Variants in MCF2L2 observed in about 807,000 individuals in gnomAD.
MCF2L2 encodes MCF.2 cell line derived transforming sequence-like 2.
A neutral mutation model predicts 150.2 loss-of-function variants in MCF2L2; 102 were observed. That is an observed-to-expected ratio of 0.68 (90% CI 0.58 to 0.80). MCF2L2 has a LOEUF of 0.80. Among genes scored for constraint, MCF2L2 ranks in the 30% least tolerant of loss-of-function variants. The probability of loss-of-function intolerance (pLI) is 0.00; values close to 1 mark genes in which losing one functional copy is unlikely to be tolerated. For synonymous variants in MCF2L2, 465 were observed against 491.3 expected, an observed-to-expected ratio of 0.95 and a Z score of 0.71; for missense variants, 1,256 against 1,372.8, an observed-to-expected ratio of 0.91 and a Z score of 1.34.
chr3:183,428,157 G>A lies in MCF2L2; in HGVS notation c.-180C>T, dbSNP rs990617132. On this transcript the variant is annotated 5_prime_UTR_variant, in exon 1 of 30. Coordinates refer to ENST00000328913, the MANE Select transcript of MCF2L2 (RefSeq NM_015078.4). This position sits in a 1 kb window ranked among gnomAD's most constrained non-coding sequence, Gnocchi z 5.1. ...GGCCAGCTCTCCCTCGCCACGCCCC[G>A]CGGGGGCTCCCGTGACAGACCAAGT... is the stretch of plus-strand genomic sequence containing the variant. 1.7e-6 allele frequency: 1 copy of A among 590,834 alleles called. No individual in the cohort carries two copies. The highest frequency in any genetic ancestry group is 3.0e-6 in the Non-Finnish European group (1 of 333,992). The allele number at this position is 590,834 out of a possible 1,614,324, so 36.6% of individuals were successfully genotyped here.
At chr3:183,391,966 C>T (rs924559915) in intron 1 of MCF2L2, among the ~76,000 whole-genome samples, 1 of 152,104 alleles carries the variant, frequency 6.6e-6, no homozygotes, top group African/African-American at 2.4e-5. Flanking sequence ...TAGCTCACTG[C>T]AGCCTTGAAC....
chr3:183,211,152 G>A (rs1431308563), intron 22 of MCF2L2, among the ~76,000 whole-genome samples: 2 of 152,172 alleles, frequency 1.3e-5, no homozygotes, highest in South Asian at 2.1e-4. Context: ...TAAGAGGGGG[G>A]GCGAGCAGGC....
chr3:183,245,418 T>A (rs1724205945), intron 15 of MCF2L2, among the ~76,000 whole-genome samples: 1 of 152,084 alleles, frequency 6.6e-6, no homozygotes, highest in South Asian at 2.1e-4. Context: ...GGATCCAGGC[T>A]GCCCAGAGCA....
intron 1 of MCF2L2, among the ~76,000 whole-genome samples, chr3:183,393,737 T>C (rs760022251): frequency 1.3e-5 from 2 of 152,206 alleles, no homozygotes; most frequent in Non-Finnish European, 2.9e-5. Flanking sequence ...GCATGTCCCA[T>C]GGGAATTCCA....
chr3:183,296,838 G>A (rs1026853826), intron 12 of MCF2L2, 138 bp downstream of exon 12: 20 of 878,524 alleles, frequency 2.3e-5, no homozygotes, highest in Middle Eastern at 3.3e-4. Context: ...AGAGGCCGCC[G>A]GAGGGCTTCG....
At position 183,207,821 on chromosome 3, in the gene MCF2L2, G is replaced by A. The variant is rs746580376; in HGVS notation, c.2499C>T (p.Asp833=). The change falls in exon 23 of 30, where the codon GAC becomes GAT. Residue 833 remains aspartate, a splice_region_variant and synonymous_variant. Coordinates refer to ENST00000328913, the MANE Select transcript of MCF2L2 (RefSeq NM_015078.4). ...ACAGCTTGCCTAGTTTTCCAATATC[G>A]TCCTTTTGGAAACACACATACAGGA... ...VDLAAVTECP[D]DIGKLGKLLL... 7.4e-6 allele frequency: 12 copies of A among 1,611,722 alleles called. No individual in the cohort carries two copies. Among genetic ancestry groups the A allele is most frequent in the Admixed American group, 3.3e-5 (2 of 59,942 alleles).
rs1485187394 is a variant in MCF2L2 at position 183,207,823 on chromosome 3, C to T, written c.2497G>A (p.Asp833Asn). The T allele has an allele frequency of 1.2e-6, 2 of 1,611,748 alleles. No individual in the cohort carries two copies. Among genetic ancestry groups the T allele is most frequent in the South Asian group, 2.2e-5 (2 of 91,010 alleles). Residue 833 changes from aspartate (D) to asparagine (N), a missense_variant and splice_region_variant, in exon 23 of 30, where the codon GAC (aspartate) becomes AAC (asparagine). Asp to Asn is a conservative substitution (Grantham distance 23). Coordinates refer to ENST00000328913, the MANE Select transcript of MCF2L2 (RefSeq NM_015078.4). ...VDLAAVTECPDDIGKLGKLLL... is the reference protein window; with the variant it reads ...VDLAAVTECPNDIGKLGKLLL... ...AGCTTGCCTAGTTTTCCAATATCGT[C>T]CTTTTGGAAACACACATACAGGAAA...
intron 7 of MCF2L2, among the ~76,000 whole-genome samples, chr3:183,316,203 A>G (rs1244953934): frequency 6.6e-6 from 1 of 152,222 alleles, no homozygotes; most frequent in Non-Finnish European, 1.5e-5. Flanking sequence ...ACGTGAACTT[A>G]GCCAGTAGGT....
intron 22 of MCF2L2, among the ~76,000 whole-genome samples, chr3:183,209,977 T>C (rs1035243955): frequency 1.3e-5 from 2 of 152,166 alleles, no homozygotes; most frequent in African/African-American, 4.8e-5. Flanking sequence ...CTCAAGCATT[T>C]TGGCTAAGGG....
chr3:183,353,376 G>A (rs1442400075), intron 3 of MCF2L2, among the ~76,000 whole-genome samples: 1 of 152,142 alleles, frequency 6.6e-6, no homozygotes. Flanking sequence ...TGCCCACCCA[G>A]TTCCACCAGA....
At chr3:183,298,147 G>A (rs1408406426) in intron 11 of MCF2L2, 1 of 152,160 alleles carries the variant, frequency 6.6e-6, no homozygotes, top group African/African-American at 2.4e-5. Flanking sequence ...ATGCTGGGAG[G>A]ACATTAGATA....
intron 5 of MCF2L2, among the ~76,000 whole-genome samples, chr3:183,335,938 G>A (rs774927965): frequency 3.3e-5 from 5 of 152,156 alleles, no homozygotes; most frequent in East Asian, 1.9e-4. Context: ...CTCCTTCCAT[G>A]TGAGGCCAAA....
In MCF2L2 at chr3:183,361,102, C is replaced by CAAGAA. The variant is rs1266001293; in HGVS notation, c.275+18190_275+18194dup. 2.8e-4 allele frequency among the ~76,000 whole-genome samples: 27 copies of CAAGAA among 97,454 alleles called. 3 individuals are homozygous for CAAGAA. The highest frequency in any genetic ancestry group is 1.7e-3 in the Admixed American group (17 of 10,002). The allele number at this position is 97,454 out of a possible 152,430, so 63.9% of individuals were successfully genotyped here. A position where few individuals can be genotyped will look rare whatever the true frequency, so the allele number is the denominator to read the frequency against. On this transcript the variant is annotated intron_variant, in intron 3 of 29. Coordinates refer to ENST00000328913, the MANE Select transcript of MCF2L2 (RefSeq NM_015078.4). ...GAAGACAAGACAAGACAAGACAAGA[C>CAAGAA]AAGAAAAGAAAAAAGAAAAAGAAAA...
chr3:183,262,571 G>A (rs116426859), intron 15 of MCF2L2, among the ~76,000 whole-genome samples: 38 of 152,090 alleles, frequency 2.5e-4, no homozygotes, highest in African/African-American at 6.5e-4. Flanking sequence ...GTCCCGGCCC[G>A]ATCAGTATGT....
chr3:183,421,758 A>G (rs1715898333), intron 1 of MCF2L2, among the ~76,000 whole-genome samples: 1 of 152,252 alleles, frequency 6.6e-6, no homozygotes, highest in Non-Finnish European at 1.5e-5. Context: ...GTAATATACT[A>G]TAGCAACCAT....
chr3:183,208,301 A>G (rs1384135749), intron 22 of MCF2L2, among the ~76,000 whole-genome samples: 1 of 152,180 alleles, frequency 6.6e-6, no homozygotes, highest in Non-Finnish European at 1.5e-5. Context: ...GTATATGAGG[A>G]CCTGAGAAAA....
intron 25 of MCF2L2, among the ~76,000 whole-genome samples, chr3:183,200,511 T>G (rs1722239573): frequency 6.6e-6 from 1 of 152,226 alleles, no homozygotes; most frequent in Non-Finnish European, 1.5e-5. Context: ...TCTTTGTAGA[T>G]TCTGGATATT....
chr3:183,341,832 A>G (rs753202583), intron 3 of MCF2L2, among the ~76,000 whole-genome samples: 5 of 152,212 alleles, frequency 3.3e-5, no homozygotes, highest in Middle Eastern at 3.2e-3. Flanking sequence ...GACCCACTGG[A>G]GGACTCCCTT....
At chr3:183,244,889 T>C (rs994292855) in intron 15 of MCF2L2, among the ~76,000 whole-genome samples, 2 of 151,926 alleles carry the variant, frequency 1.3e-5, no homozygotes, top group Non-Finnish European at 2.9e-5. Context: ...TCTAAAGAAC[T>C]GTTTGCTGAT....
Sources: allele counts gnomAD v4.1 joint callset (sites outside exome capture counted in the v4.1 genomes callset), GRCh38; gene constraint gnomAD v4.1.1; non-coding constraint Gnocchi (gnomAD v3.1); transcripts MANE v1.5; gene names NCBI Gene and HGNC (gene_info 2026-07-23, HGNC 2026-07-21).